Variants in FAAH2 observed in about 807,000 individuals in gnomAD.
FAAH2 encodes fatty acid amide hydrolase 2, also known as fatty-acid amide hydrolase 2.
In FAAH2, 60 loss-of-function variants were observed where a neutral mutation model predicts 36.9. The ratio of observed to expected loss-of-function variants is 1.63; its 90% CI spans 1.32 to 2.02. FAAH2 has a LOEUF of 2.02. Ranked by LOEUF, FAAH2 falls within the 30% of genes most tolerant of loss-of-function variation. The probability of loss-of-function intolerance (pLI) is 0.00; values close to 1 mark genes in which losing one functional copy is unlikely to be tolerated. For synonymous variants in FAAH2, 214 were observed against 143.8 expected (o/e 1.49, Z -3.49); for missense variants, 689 against 397.5 (o/e 1.73, Z -6.23).
chrX:57,394,689 A>T, intron 7 of FAAH2: 1 of 898,559 alleles, frequency 1.1e-6, no homozygotes, highest in Non-Finnish European at 1.6e-6. Context: ...TGTTTTTTTT[A>T]TCATCTGGGA....
intron 8 of FAAH2, among the ~76,000 whole-genome samples, chrX:57,440,193 G>A (rs753203960): frequency 1.8e-5 from 2 of 111,458 alleles, no homozygotes; most frequent in Non-Finnish European, 3.8e-5. Context: ...ACCTTGGGCA[G>A]TATGACCATT....
intron 1 of FAAH2, among the ~76,000 whole-genome samples, chrX:57,292,167 A>G (rs781634150): frequency 9.0e-6 from 1 of 111,259 alleles, no homozygotes; most frequent in East Asian, 2.8e-4. Context: ...TTTATTGATT[A>G]TTTACTAGAA....
the FAAH2 span, among the ~76,000 whole-genome samples, chrX:57,184,716 A>G: frequency 1.8e-5 from 2 of 112,516 alleles, no homozygotes; most frequent in African/African-American, 6.5e-5. Context: ...AAAACTTTCA[A>G]AAGGGAAATG....
At chrX:57,362,954 T>C (rs2054321754) in intron 5 of FAAH2, among the ~76,000 whole-genome samples, 1 of 111,934 alleles carries the variant, frequency 8.9e-6, no homozygotes, top group South Asian at 3.7e-4. Context: ...TTTATAACAA[T>C]ATGATGTTGC....
At chrX:57,410,975 T>C (rs908214548) in intron 7 of FAAH2, among the ~76,000 whole-genome samples, 9 of 112,028 alleles carry the variant, frequency 8.0e-5, no homozygotes, top group Middle Eastern at 9.1e-3. Flanking sequence ...GGTCCTTCAA[T>C]TCTTTCATAT....
chrX:57,164,466 G>C, the FAAH2 span, among the ~76,000 whole-genome samples: 7 of 111,820 alleles, frequency 6.3e-5, no homozygotes, highest in South Asian at 3.7e-4. Flanking sequence ...TTTGATGTGA[G>C]GGACATTTAA....
intron 5 of FAAH2, among the ~76,000 whole-genome samples, chrX:57,349,276 TAC>T (rs2053926921): frequency 2.1e-5 from 2 of 95,718 alleles, no homozygotes; most frequent in African/African-American, 7.4e-5. Flanking sequence ...TATACATATA[TAC>T]ATATATACAT....
the FAAH2 span, among the ~76,000 whole-genome samples, chrX:57,201,084 C>T: frequency 3.2e-5 from 3 of 92,880 alleles, no homozygotes; most frequent in African/African-American, 1.3e-4. Flanking sequence ...GCAATTTAAA[C>T]ATGTTATGCC....
At chrX:57,297,367 C>CAA (rs1569238702) in intron 2 of FAAH2, among the ~76,000 whole-genome samples, 2 of 110,168 alleles carry the variant, frequency 1.8e-5, no homozygotes, top group Non-Finnish European at 3.8e-5. Context: ...TTCATAAGTG[C>CAA]AGGAGAAATA....
chrX:57,443,615 A>G (rs750979424), intron 8 of FAAH2, among the ~76,000 whole-genome samples: 1 of 111,867 alleles, frequency 8.9e-6, no homozygotes, highest in African/African-American at 3.3e-5. Flanking sequence ...CTCTCAACTC[A>G]TCAAAGTCAT....
chrX:57,330,757 A>T (rs2053380291), intron 3 of FAAH2, among the ~76,000 whole-genome samples: 2 of 111,222 alleles, frequency 1.8e-5, no homozygotes, highest in East Asian at 5.7e-4. Context: ...AAACTGGCTG[A>T]TGCTTAGGGA....
At chrX:57,256,195 C>T in the FAAH2 span, among the ~76,000 whole-genome samples, 1 of 111,336 alleles carries the variant, frequency 9.0e-6, no homozygotes, top group Non-Finnish European at 1.9e-5. Flanking sequence ...AAATAAAATA[C>T]CTAGGAATCC....
At chrX:57,362,121 C>A (rs1429514028) in intron 5 of FAAH2, among the ~76,000 whole-genome samples, 1 of 109,284 alleles carries the variant, frequency 9.2e-6, no homozygotes, top group Non-Finnish European at 1.9e-5. Flanking sequence ...ATTTTAAGAA[C>A]AGGGGATAAA....
chrX:57,182,714 A>G, the FAAH2 span, among the ~76,000 whole-genome samples: 3 of 111,594 alleles, frequency 2.7e-5, no homozygotes, highest in Non-Finnish European at 5.7e-5. Context: ...AGGAATATCA[A>G]TCGTTCTATC....
chrX:57,357,336 G>T (rs769379155), intron 5 of FAAH2, among the ~76,000 whole-genome samples: 3 of 111,434 alleles, frequency 2.7e-5, no homozygotes, highest in Non-Finnish European at 5.7e-5. Flanking sequence ...TGACAAATGG[G>T]ATCTAAATAA....
the FAAH2 span, among the ~76,000 whole-genome samples, chrX:57,183,070 G>A: frequency 1.8e-5 from 2 of 111,088 alleles, no homozygotes; most frequent in African/African-American, 6.5e-5. Flanking sequence ...AGGGCAGAAG[G>A]TGGGAGGATA....
chrX:57,435,203 A>C (rs2056384853), intron 8 of FAAH2, among the ~76,000 whole-genome samples: 1 of 111,775 alleles, frequency 8.9e-6, no homozygotes, highest in Non-Finnish European at 1.9e-5. Context: ...GATATTATAA[A>C]ACAATCACAT....
chrX:57,156,390 T>A, the FAAH2 span, among the ~76,000 whole-genome samples: 1 of 111,950 alleles, frequency 8.9e-6, no homozygotes, highest in African/African-American at 3.2e-5. Context: ...TAGTGTCTTA[T>A]TTAGTTCATT....
chrX:57,134,137 A>G, the FAAH2 span, among the ~76,000 whole-genome samples: 4 of 111,796 alleles, frequency 3.6e-5, no homozygotes, highest in Non-Finnish European at 7.5e-5. Context: ...ACACAGATCT[A>G]TCTTTGCATC....
Sources: gnomAD v4.1 joint callset for allele counts (sites outside exome capture counted in the v4.1 genomes callset) on GRCh38, gnomAD v4.1.1 for gene constraint, MANE v1.5 for transcripts, NCBI Gene and HGNC (gene_info 2026-07-23, HGNC 2026-07-21) for gene names.